The following SGPP1 variants were observed in gnomAD, a reference collection of about 807,000 sequenced individuals.
SGPP1 encodes hSPP1.
In SGPP1, 21 loss-of-function variants were observed where a neutral mutation model predicts 33.0. The observed-to-expected ratio is 0.64, with a 90% CI of 0.45 to 0.92. The LOEUF (loss-of-function observed/expected upper bound fraction) is 0.92, where lower values mean the gene tolerates loss of function less well. Ranked by LOEUF, SGPP1 falls within the 40% of genes least tolerant of loss-of-function variation. SGPP1 has a pLI of 0.00. For missense variants in SGPP1, 543 were observed against 589.4 expected, an observed-to-expected ratio of 0.92 and a Z score of 0.81; for synonymous variants, 239 against 241.2, an observed-to-expected ratio of 0.99 and a Z score of 0.08.
intron 1 of SGPP1, among the ~76,000 whole-genome samples, chr14:63,706,551 A>G (rs917877889): frequency 4.6e-5 from 7 of 152,240 alleles, no homozygotes; most frequent in African/African-American, 1.4e-4. Context: ...TTACTATAAT[A>G]TGTGTCTGGC....
intron 1 of SGPP1, among the ~76,000 whole-genome samples, chr14:63,700,463 C>A (rs1854718080): frequency 6.6e-6 from 1 of 152,124 alleles, no homozygotes; most frequent in Non-Finnish European, 1.5e-5. Context: ...CTTTCCTTAG[C>A]CGTTGTATTC....
At chr14:63,695,990 A>T (rs555240910) in intron 2 of SGPP1, among the ~76,000 whole-genome samples, 2 of 152,248 alleles carry the variant, frequency 1.3e-5, no homozygotes, top group East Asian at 3.9e-4. Context: ...TTTCATTTTT[A>T]AAAAAGAACA....
intron 1 of SGPP1, among the ~76,000 whole-genome samples, chr14:63,718,814 T>C (rs4243626): frequency 0.51 from 75,734 of 149,598 alleles, 22,274 homozygotes; most frequent in African/African-American, 0.82. Flanking sequence ...ATAAAAGAAA[T>C]GCTTTGAATA....
At chr14:63,698,750 G>C (rs1885239774) in intron 1 of SGPP1, 92 bp from the exon 2 acceptor site, 3 of 640,116 alleles carry the variant, frequency 4.7e-6, no homozygotes, top group South Asian at 3.6e-5. Flanking sequence ...ATTCTATAAA[G>C]TCCACTAAAA....
intron 2 of SGPP1, among the ~76,000 whole-genome samples, chr14:63,693,915 A>G (rs956580769): frequency 3.9e-5 from 6 of 152,200 alleles, no homozygotes; most frequent in African/African-American, 1.4e-4. Flanking sequence ...TTTTTAAATT[A>G]TGTATTTTTT....
intron 1 of SGPP1, among the ~76,000 whole-genome samples, chr14:63,699,543 T>C (rs941474218): frequency 2.0e-5 from 3 of 152,000 alleles, no homozygotes; most frequent in Non-Finnish European, 4.4e-5. Context: ...TAGTACGAAA[T>C]TGTTGGTTTT....
chr14:63,705,650 A>G (rs1453260801), intron 1 of SGPP1, among the ~76,000 whole-genome samples: 2 of 152,132 alleles, frequency 1.3e-5, no homozygotes, highest in African/African-American at 4.8e-5. Flanking sequence ...CCTGGGTGAC[A>G]AAGTGAAACC....
intron 1 of SGPP1, among the ~76,000 whole-genome samples, chr14:63,702,776 A>G (rs1020401707): frequency 2.0e-5 from 3 of 152,282 alleles, no homozygotes; most frequent in African/African-American, 7.2e-5. Context: ...GATGACTTTC[A>G]TATTTACTCC....
At chr14:63,704,615 C>G (rs1459332920) in intron 1 of SGPP1, among the ~76,000 whole-genome samples, 1 of 152,050 alleles carries the variant, frequency 6.6e-6, no homozygotes, top group Non-Finnish European at 1.5e-5. Flanking sequence ...TTTGGGAGGC[C>G]AAGGCAGAAG....
intron 1 of SGPP1, among the ~76,000 whole-genome samples, chr14:63,707,485 T>G (rs1189688110): frequency 2.0e-5 from 3 of 151,734 alleles, no homozygotes; most frequent in Non-Finnish European, 4.4e-5. Flanking sequence ...CCAATAAATA[T>G]AGACGTCCAG....
At chr14:63,717,696 G>T (rs1259788357) in intron 1 of SGPP1, among the ~76,000 whole-genome samples, 1 of 152,240 alleles carries the variant, frequency 6.6e-6, no homozygotes, top group Middle Eastern at 3.4e-3. Flanking sequence ...TAATGCTGAA[G>T]ATCTTCCAAA....
At chr14:63,703,129 GAATT>G (rs761495752) in intron 1 of SGPP1, among the ~76,000 whole-genome samples, 2 of 151,154 alleles carry the variant, frequency 1.3e-5, no homozygotes, top group Non-Finnish European at 2.9e-5. Flanking sequence ...AAACATATTA[GAATT>G]AATAAATGAA....
At chr14:63,726,236 T>C (rs1366253800) in intron 1 of SGPP1, among the ~76,000 whole-genome samples, 1 of 152,206 alleles carries the variant, frequency 6.6e-6, no homozygotes, top group African/African-American at 2.4e-5. Flanking sequence ...TAAAATGATT[T>C]TGTGAAGTAA....
chr14:63,691,372 T>G (rs537052091), intron 2 of SGPP1, among the ~76,000 whole-genome samples: 15 of 152,336 alleles, frequency 9.8e-5, no homozygotes, highest in Middle Eastern at 3.4e-3. Context: ...GATCCCAAAA[T>G]GAATTTATAG....
chr14:63,717,586 T>G (rs1476514410), intron 1 of SGPP1, among the ~76,000 whole-genome samples: 3 of 152,060 alleles, frequency 2.0e-5, no homozygotes, highest in Non-Finnish European at 4.4e-5. Context: ...CCTCCCAAAG[T>G]GCTGGGATTA....
chr14:63,714,574 C>T (rs957198606), intron 1 of SGPP1, among the ~76,000 whole-genome samples: 4 of 152,118 alleles, frequency 2.6e-5, no homozygotes, highest in African/African-American at 9.7e-5. Context: ...GTACATACCA[C>T]CACACCTGGC....
intron 2 of SGPP1, among the ~76,000 whole-genome samples, chr14:63,690,640 C>G (rs1474129099): frequency 2.0e-5 from 3 of 152,128 alleles, no homozygotes; most frequent in Non-Finnish European, 4.4e-5. Flanking sequence ...CAGAATCTAC[C>G]AAATTACTTG....
At chr14:63,704,081 C>G (rs1885359158) in intron 1 of SGPP1, among the ~76,000 whole-genome samples, 1 of 152,118 alleles carries the variant, frequency 6.6e-6, no homozygotes. Flanking sequence ...CCCATTTTAG[C>G]CTCCCAAAGC....
At chr14:63,718,996 ATATATATATATATATATATTTTTT>A (rs1309826111) in intron 1 of SGPP1, among the ~76,000 whole-genome samples, 29 of 19,002 alleles carry the variant, frequency 1.5e-3, no homozygotes, top group African/African-American at 4.1e-3. Context: ...ATATATATAT[ATATATATATATATATATATTTTTT>A]TTTTTTTTTT....
Sources: allele counts gnomAD v4.1 joint callset (sites outside exome capture counted in the v4.1 genomes callset), GRCh38; gene constraint gnomAD v4.1.1; transcripts MANE v1.5; gene names NCBI Gene and HGNC (gene_info 2026-07-23, HGNC 2026-07-21).